PTPRG: variants seen among roughly 807,000 people sequenced by gnomAD.
The protein encoded by PTPRG is protein tyrosine phosphatase receptor type G, also known as receptor-type tyrosine-protein phosphatase gamma.
In PTPRG, 102 loss-of-function variants were observed where a neutral mutation model predicts 165.3. That is an observed-to-expected ratio of 0.62 (90% CI 0.53 to 0.73). The LOEUF (loss-of-function observed/expected upper bound fraction) is 0.73, where lower values mean the gene tolerates loss of function less well. Ranked by LOEUF, PTPRG falls within the 30% of genes least tolerant of loss-of-function variation. PTPRG has a pLI of 0.00. For missense variants in PTPRG, 1,866 were observed against 1,861.4 expected (o/e 1.00, Z -0.05); for synonymous variants, 675 against 669.5 (o/e 1.01, Z -0.13).
intron 4 of PTPRG, among the ~76,000 whole-genome samples, chr3:62,059,923 T>A (rs534317661): frequency 7.8e-4 from 119 of 152,298 alleles, no homozygotes; most frequent in African/African-American, 2.5e-3. Context: ...CCACCATGAT[T>A]GTAAGTTTCC....
intron 4 of PTPRG, among the ~76,000 whole-genome samples, chr3:62,069,884 G>C (rs546033076): frequency 1.7e-3 from 254 of 152,236 alleles, no homozygotes; most frequent in Non-Finnish European, 2.7e-3. Flanking sequence ...GTCTTCAGCT[G>C]ATTGCATGAG....
intron 1 of PTPRG, chr3:61,742,662 AC>A: frequency 6.2e-7 from 1 of 1,605,034 alleles, no homozygotes. Flanking sequence ...ACTTCACCTC[AC>A]CCACTTTGGC....
rs150140284 is a variant in PTPRG at position 62,092,572 on chromosome 3, T to A, written c.615+14314T>A. On this transcript the variant is annotated intron_variant, in intron 5 of 29. Coordinates refer to ENST00000474889, the MANE Select transcript of PTPRG (RefSeq NM_002841.4). ...TCAGCTTGGTGAAGAAAATGGACTC[T>A]AAATCCAGATTGCTCAATTAAATCT... 2.1e-3 allele frequency among the ~76,000 whole-genome samples: 325 copies of A among 152,142 alleles called. 2 individuals carry two copies. The highest frequency in any genetic ancestry group is 7.2e-3 in the African/African-American group (300 of 41,490).
intron 2 of PTPRG, among the ~76,000 whole-genome samples, chr3:61,873,858 G>A (rs2037652542): frequency 6.6e-6 from 1 of 152,110 alleles, no homozygotes; most frequent in Non-Finnish European, 1.5e-5. Flanking sequence ...CATTCTTACT[G>A]GCTGTGAGAT....
chr3:61,718,825 G>GT (rs2031929046), intron 1 of PTPRG, among the ~76,000 whole-genome samples: 1 of 152,112 alleles, frequency 6.6e-6, no homozygotes, highest in Non-Finnish European at 1.5e-5. Context: ...TTTCCCATTT[G>GT]TAATAGAAGC....
intron 1 of PTPRG, among the ~76,000 whole-genome samples, chr3:61,656,104 G>C (rs1702503161): frequency 6.6e-6 from 1 of 151,512 alleles, no homozygotes; most frequent in Non-Finnish European, 1.5e-5. Context: ...ATAGTGGTGA[G>C]CTCCTGTAGT....
Position 62,005,002 on chromosome 3 carries a change from TGAA to T in PTPRG, c.519+1509_519+1511del, listed in dbSNP as rs982501814. Among the ~76,000 whole-genome samples, 7 of 152,302 alleles carry T rather than the reference TGAA, an allele frequency of 4.6e-5. No individual in the cohort carries two copies. In the South Asian group the frequency reaches 1.5e-3, roughly 32 times the overall value. On this transcript the variant is annotated intron_variant, in intron 4 of 29. Transcript: ENST00000474889. ...CCTCTAAGTATCCTGGAAGCTCTGT[TGAA>T]GAATCTCTACACAATATGAAAGTAA... is the stretch of plus-strand genomic sequence containing the variant.
At chr3:61,680,030 A>G (rs764817204) in intron 1 of PTPRG, among the ~76,000 whole-genome samples, 1 of 152,118 alleles carries the variant, frequency 6.6e-6, no homozygotes, top group Non-Finnish European at 1.5e-5. Flanking sequence ...AGACATTAAA[A>G]CTTCCTATTC....
intron 4 of PTPRG, among the ~76,000 whole-genome samples, chr3:62,060,406 T>G (rs1346180818): frequency 6.6e-6 from 1 of 152,122 alleles, no homozygotes; most frequent in Non-Finnish European, 1.5e-5. Flanking sequence ...AGATGGTTAC[T>G]CTTGGTTGGA....
At chr3:62,021,820 T>C (rs565997467) in intron 4 of PTPRG, among the ~76,000 whole-genome samples, 1 of 151,950 alleles carries the variant, frequency 6.6e-6, no homozygotes, top group African/African-American at 2.4e-5. Flanking sequence ...CTTGAAATTA[T>C]ATGTAAAATT....
intron 1 of PTPRG, among the ~76,000 whole-genome samples, chr3:61,686,124 A>G (rs1703625666): frequency 6.6e-6 from 1 of 152,162 alleles, no homozygotes. Context: ...TAGTACCGAG[A>G]TGCATGCATG....
intron 4 of PTPRG, among the ~76,000 whole-genome samples, chr3:62,042,553 C>T (rs142241218): frequency 6.6e-5 from 10 of 152,150 alleles, no homozygotes; most frequent in African/African-American, 2.2e-4. Context: ...TTCTTCCTCC[C>T]GCACCGCCAC....
At chr3:62,030,267 C>T (rs1699722469) in intron 4 of PTPRG, among the ~76,000 whole-genome samples, 1 of 151,632 alleles carries the variant, frequency 6.6e-6, no homozygotes, top group Non-Finnish European at 1.5e-5. Context: ...CACATTACTC[C>T]CCCTCTCACC....
intron 1 of PTPRG, among the ~76,000 whole-genome samples, chr3:61,632,094 C>T (rs986162867): frequency 2.0e-5 from 3 of 152,120 alleles, no homozygotes; most frequent in South Asian, 4.1e-4. Context: ...TGCTTGAACC[C>T]AGGAGTTCAA....
At chr3:61,595,176 G>A (rs887836330) in intron 1 of PTPRG, among the ~76,000 whole-genome samples, 5 of 151,614 alleles carry the variant, frequency 3.3e-5, no homozygotes, top group African/African-American at 9.7e-5. Flanking sequence ...AACCGAACAA[G>A]ATGTGTTTGT....
rs112920909 is a variant in PTPRG at position 61,692,805 on chromosome 3, C to A, written c.86-56073C>A. ...GAATGTCATCAGTTAAGGCAGGAAC[C>A]GGCCATCTGGATGTGTACGTGCAGG... On this transcript the variant is annotated intron_variant, in intron 1 of 29. Coordinates refer to ENST00000474889, the MANE Select transcript of PTPRG (RefSeq NM_002841.4). 1.8e-3 allele frequency among the ~76,000 whole-genome samples: 280 copies of A among 152,194 alleles called. 2 individuals carry two copies. The highest frequency in any genetic ancestry group is 6.5e-3 in the African/African-American group (270 of 41,518).
At chr3:61,623,497 G>T (rs1356839428) in intron 1 of PTPRG, among the ~76,000 whole-genome samples, 1 of 152,176 alleles carries the variant, frequency 6.6e-6, no homozygotes, top group South Asian at 2.1e-4. Context: ...AAACATTGGA[G>T]CAGGAAGAGG....
At chr3:61,966,890 T>G (rs1431108690) in intron 2 of PTPRG, among the ~76,000 whole-genome samples, 1 of 152,208 alleles carries the variant, frequency 6.6e-6, no homozygotes, top group Non-Finnish European at 1.5e-5. Context: ...TTAGCTTGTA[T>G]GTTTATTAAG....
intron 1 of PTPRG, among the ~76,000 whole-genome samples, chr3:61,586,945 G>C (rs1301741708): frequency 1.3e-5 from 2 of 152,144 alleles, no homozygotes; most frequent in Non-Finnish European, 2.9e-5. Flanking sequence ...AGGACACAGA[G>C]CAGGTGTGAC....
Sources: gnomAD v4.1 joint callset for allele counts (sites outside exome capture counted in the v4.1 genomes callset) on GRCh38, gnomAD v4.1.1 for gene constraint, MANE v1.5 for transcripts, NCBI Gene and HGNC (gene_info 2026-07-23, HGNC 2026-07-21) for gene names.